The following TPP2 variants were observed in gnomAD, a reference collection of about 807,000 sequenced individuals.
TPP2 encodes the protein tripeptidyl-peptidase 2.
Under a neutral mutation model 155.9 loss-of-function variants are expected in TPP2, and 34 were observed. The observed-to-expected ratio is 0.22, with a 90% CI of 0.17 to 0.29. The LOEUF (loss-of-function observed/expected upper bound fraction) is 0.29, where lower values mean the gene tolerates loss of function less well. TPP2 is among the 10% of genes least tolerant of loss of function. The pLI, the probability that TPP2 is intolerant of heterozygous loss-of-function variation, is 1.00. For missense variants in TPP2, 1,028 were observed against 1,522.3 expected (o/e 0.68, Z 5.40); for synonymous variants, 510 against 529.4 (o/e 0.96, Z 0.50).
Position 102,664,859 on chromosome 13 carries a change from A to G in TPP2, c.3305A>G (p.Gln1102Arg), listed in dbSNP as rs1032392210. ...AANAVISHIDQTALAVYIAMK... is the reference protein window; with the variant it reads ...AANAVISHIDRTALAVYIAMK... Reference sequence around the variant, plus strand: ...AATGCTGTTATTTCTCATATAGATCAAACAGCCCTAGCAGTTTATATTGCA... The same window carrying G: ...AATGCTGTTATTTCTCATATAGATCGAACAGCCCTAGCAGTTTATATTGCA... Residue 1102 changes from glutamine to arginine, a missense_variant, in exon 27 of 30, where the codon CAA becomes CGA. Physicochemically the swap from Gln to Arg is conservative, Grantham distance 43. Coordinates refer to ENST00000376052, the MANE Select transcript of TPP2 (RefSeq NM_001330588.2). 2 of 1,613,710 alleles carry G rather than the reference A, an allele frequency of 1.2e-6. No homozygotes were observed. Among genetic ancestry groups the G allele is most frequent in the African/African-American group, 2.7e-5 (2 of 74,930 alleles).
At position 102,616,431 on chromosome 13, in the gene TPP2, C is replaced by G. The variant is rs756499056; in HGVS notation, c.426C>G (p.His142Gln). ...AGGAAAAAATCTGGGACCCTGTTCACAGAGTGGCCCTTGCAGAAGCCTGTA... is the reference window on the plus strand; with the variant it reads ...AGGAAAAAATCTGGGACCCTGTTCAGAGAGTGGCCCTTGCAGAAGCCTGTA... Reference protein sequence around the residue: ...ERKEKIWDPVHRVALAEACRK... With the variant: ...ERKEKIWDPVQRVALAEACRK... The change falls in exon 4 of 30, where the codon CAC becomes CAG. Residue 142 changes from histidine (H) to glutamine (Q), a missense_variant. Around this residue, in one of 7 missense-constraint regions of TPP2, gnomAD observed 300 missense variants for 398.3 expected, o/e 0.75. Coordinates refer to ENST00000376052, the MANE Select transcript of TPP2 (RefSeq NM_001330588.2). The G allele has an allele frequency of 6.8e-6, 11 of 1,612,886 alleles. No homozygotes were observed. In the Admixed American group the frequency reaches 1.8e-4, roughly 27 times the overall value.
At chr13:102,655,427 AC>A (rs1407285355) in intron 24 of TPP2, among the ~76,000 whole-genome samples, 1 of 152,178 alleles carries the variant, frequency 6.6e-6, no homozygotes, top group Non-Finnish European at 1.5e-5. Flanking sequence ...TTAATTTAGC[AC>A]CATTTTAAAT....
intron 21 of TPP2, among the ~76,000 whole-genome samples, chr13:102,648,419 A>G (rs952806555): frequency 1.4e-5 from 2 of 145,380 alleles, no homozygotes; most frequent in Non-Finnish European, 3.0e-5. Flanking sequence ...ACCAGTAGTC[A>G]TAAGTTACAC....
chr13:102,641,900 G>C (rs1457367432), intron 16 of TPP2, among the ~76,000 whole-genome samples: 1 of 152,166 alleles, frequency 6.6e-6, no homozygotes, highest in Non-Finnish European at 1.5e-5. Flanking sequence ...GGCTAAGGTG[G>C]TGAGCTACTT....
At chr13:102,625,807 T>G (rs979766829) in intron 6 of TPP2, among the ~76,000 whole-genome samples, 8 of 152,204 alleles carry the variant, frequency 5.3e-5, no homozygotes, top group African/African-American at 1.7e-4. Context: ...CTCCTGGAGC[T>G]CCAACACACT....
chr13:102,616,524 AAAC>A, intron 4 of TPP2, 24 bp downstream of exon 4: 1 of 1,581,084 alleles, frequency 6.3e-7, no homozygotes, highest in Non-Finnish European at 8.7e-7. Context: ...GATTTCATTT[AAAC>A]ATTACCCTAG....
At chr13:102,620,981 C>T (rs944600515) in intron 5 of TPP2, among the ~76,000 whole-genome samples, 1 of 152,186 alleles carries the variant, frequency 6.6e-6, no homozygotes, top group African/African-American at 2.4e-5. Context: ...TTCTCTCATC[C>T]TCCCCACTTA....
At chr13:102,611,210 G>A (rs966722324) in intron 2 of TPP2, among the ~76,000 whole-genome samples, 1 of 152,216 alleles carries the variant, frequency 6.6e-6, no homozygotes, top group Non-Finnish European at 1.5e-5. Flanking sequence ...CTGCTGTGAT[G>A]TGTGTGTATC....
In TPP2 at chr13:102,597,043, C is replaced by A; in HGVS notation, c.5C>A (p.Ala2Asp). The A allele has an allele frequency of 6.2e-7, 1 of 1,611,592 alleles. No individual in the cohort carries two copies. The highest frequency in any genetic ancestry group is 8.5e-7 in the Non-Finnish European group (1 of 1,179,374). The change falls in exon 1 of 30, where the codon GCC becomes GAC. Residue 2 changes from alanine (A) to aspartate (D), a missense_variant. Ala to Asp is a moderately radical substitution (Grantham distance 126). This residue lies in a region of TPP2 where 300 missense variants were observed against 398.3 expected (regional missense o/e 0.75). Coordinates refer to ENST00000376052, the MANE Select transcript of TPP2 (RefSeq NM_001330588.2). ...CTCGTCCTCCATCCTGCGTCCATGGCCACCGCTGCGACTGAGGAGCCCTTC... is the reference window on the plus strand; with the variant it reads ...CTCGTCCTCCATCCTGCGTCCATGGACACCGCTGCGACTGAGGAGCCCTTC... M[A>D]TAATEEPFPF...
intron 1 of TPP2, among the ~76,000 whole-genome samples, chr13:102,601,544 A>G (rs572976301): frequency 2.0e-5 from 3 of 152,358 alleles, no homozygotes; most frequent in Admixed American, 2.0e-4. Context: ...TCCAGCCAAC[A>G]TAGCCCAGTA....
Position 102,673,886 on chromosome 13 carries a change from A to C in TPP2, c.3372-397A>C, listed in dbSNP as rs917482562. ...TCCTAGTCATGAACTGAAAGTTTTA[A>C]GACATAACCTCTGGGTATACACATA... On this transcript the variant is annotated intron_variant, in intron 27 of 29. Coordinates refer to ENST00000376052, the MANE Select transcript of TPP2 (RefSeq NM_001330588.2). 2.0e-5 allele frequency among the ~76,000 whole-genome samples: 3 copies of C among 152,260 alleles called. No homozygotes were observed. The South Asian group carries it at 6.2e-4, about 32-fold the overall frequency.
At chr13:102,614,514 A>G (rs1256645447) in intron 3 of TPP2, among the ~76,000 whole-genome samples, 1 of 152,040 alleles carries the variant, frequency 6.6e-6, no homozygotes, top group Non-Finnish European at 1.5e-5. Flanking sequence ...ACTTTTTTTT[A>G]CTTGAAAAAG....
chr13:102,611,994 G>A (rs1040311595), intron 2 of TPP2, among the ~76,000 whole-genome samples: 3 of 151,988 alleles, frequency 2.0e-5, no homozygotes, highest in Non-Finnish European at 2.9e-5. Flanking sequence ...ATGCTTCCCC[G>A]ACTTCCTTTA....
chr13:102,640,641 A>ATTTTTTTTTTTTTT (rs5806315), intron 16 of TPP2, among the ~76,000 whole-genome samples: 6 of 84,234 alleles, frequency 7.1e-5, no homozygotes, highest in Non-Finnish European at 1.3e-4. Context: ...CCTGGTAATA[A>ATTTTTTTTTTTTTT]TTTTTTTTTT....
intron 9 of TPP2, 84 bp from the exon 10 acceptor site, chr13:102,630,012 A>G: frequency 9.0e-7 from 1 of 1,108,790 alleles, no homozygotes; most frequent in Non-Finnish European, 1.3e-6. Flanking sequence ...TTGAGAGATT[A>G]GGCAGTTTAC....
intron 24 of TPP2, chr13:102,655,037 C>A: frequency 2.0e-6 from 1 of 501,436 alleles, no homozygotes; most frequent in East Asian, 5.6e-5. Flanking sequence ...GTTCTGGCCC[C>A]CTGACCTCAG....
chr13:102,620,741 G>T (rs1881094648), intron 5 of TPP2, among the ~76,000 whole-genome samples: 1 of 152,176 alleles, frequency 6.6e-6, no homozygotes. Context: ...CTGTCAGGAC[G>T]CAGAGCCTCA....
intron 1 of TPP2, among the ~76,000 whole-genome samples, chr13:102,598,693 C>T (rs566006714): frequency 2.6e-5 from 4 of 152,248 alleles, no homozygotes; most frequent in South Asian, 2.1e-4. Context: ...AGTGGTTCAC[C>T]GGTTCTTTTG....
chr13:102,678,097 C>T (rs1885405311), intron 29 of TPP2, 130 bp from the exon 30 acceptor site: 9 of 864,450 alleles, frequency 1.0e-5, no homozygotes, highest in East Asian at 2.8e-5. Context: ...GGGTGGGTGA[C>T]GGTTGGTGGA....
Sources: gnomAD v4.1 joint callset for allele counts (sites outside exome capture counted in the v4.1 genomes callset) on GRCh38, gnomAD v4.1.1 for gene constraint, gnomAD v4.1.1 regional missense constraint, MANE v1.5 for transcripts, NCBI Gene and HGNC (gene_info 2026-07-23, HGNC 2026-07-21) for gene names.